OR8G5: variants seen among roughly 807,000 people sequenced by gnomAD.
The protein encoded by OR8G5 is olfactory receptor 8G5.
For missense variants in OR8G5, 347 were observed against 371.9 expected (o/e 0.93, Z 0.55); for synonymous variants, 147 against 147.7 (o/e 1.00, Z 0.03).
rs369768187 is a variant in OR8G5, at chr11:124,264,837, A to G, written c.-14-81A>G. The stretch of plus-strand genomic sequence containing the variant: ...TTGAACCGGAGTTAAATGATCATAT[A>G]TAAACAAGGGATCACTTTCCTACAA... On this transcript the variant is annotated intron_variant, in intron 1 of 1. Coordinates refer to ENST00000641992, the MANE Select transcript of OR8G5 (RefSeq NM_001005198.2). 20 of 1,563,178 alleles carry G rather than the reference A, an allele frequency of 1.3e-5. No individual in the cohort carries two copies. In the African/African-American group the frequency reaches 1.3e-4, roughly 11 times the overall value.
intron 1 of OR8G5, among the ~76,000 whole-genome samples, chr11:124,258,162 A>G (rs181643465): frequency 5.9e-5 from 9 of 152,208 alleles, no homozygotes; most frequent in East Asian, 1.9e-4. Context: ...TTCTCTTTCA[A>G]TGTATAAAAG....
chr11:124,265,654 C>A lies in OR8G5; in HGVS notation c.723C>A (p.Cys241Ter). 6.2e-7 allele frequency: 1 copy of A among 1,614,006 alleles called. No individual in the cohort carries two copies. Among genetic ancestry groups the A allele is most frequent in the East Asian group, 2.2e-5 (1 of 44,866 alleles). Reference protein sequence around the residue: ...TEGRSKAFSTCSSHISAVSVF... With the variant: ...TEGRSKAFST ...GCAGGTCCAAAGCCTTCAGCACTTG[C>A]AGCTCCCACATCTCGGCTGTTTCTG... is the stretch of plus-strand genomic sequence containing the variant. Residue 241 changes from cysteine (C) to a stop codon, truncating the protein, a stop_gained, in exon 2 of 2, where the codon TGC becomes TGA. Transcript: ENST00000641992. LOFTEE classifies it low-confidence loss of function (END_TRUNC).
chr11:124,258,588 A>T (rs1022177855), intron 1 of OR8G5, among the ~76,000 whole-genome samples: 9 of 151,282 alleles, frequency 5.9e-5, no homozygotes, highest in Middle Eastern at 3.2e-3. Context: ...TAATAATAAT[A>T]ATAAAAAAGA....
intron 1 of OR8G5, 56 bp downstream of exon 1, chr11:124,256,690 AC>A (rs1861916697): frequency 6.6e-6 from 1 of 152,024 alleles, no homozygotes; most frequent in Non-Finnish European, 1.5e-5. Flanking sequence ...AGAAGTAATC[AC>A]TGTAAAAACT....
intron 1 of OR8G5, among the ~76,000 whole-genome samples, chr11:124,257,447 T>C (rs1861924515): frequency 6.6e-6 from 1 of 152,166 alleles, no homozygotes; most frequent in Non-Finnish European, 1.5e-5. Context: ...GAGGCTTAAA[T>C]ACTCTCTTCA....
chr11:124,258,252 T>G (rs923997634), intron 1 of OR8G5, among the ~76,000 whole-genome samples: 1 of 152,076 alleles, frequency 6.6e-6, no homozygotes, highest in Non-Finnish European at 1.5e-5. Flanking sequence ...TTGTCAATGT[T>G]CCTCCTTAAA....
chr11:124,260,461 AC>A (rs1418160765), intron 1 of OR8G5, among the ~76,000 whole-genome samples: 1 of 151,938 alleles, frequency 6.6e-6, no homozygotes, highest in Non-Finnish European at 1.5e-5. Flanking sequence ...CCCCCATGAC[AC>A]AAGTTTACCT....
chr11:124,258,866 A>G (rs1861937791), intron 1 of OR8G5, among the ~76,000 whole-genome samples: 1 of 152,106 alleles, frequency 6.6e-6, no homozygotes, highest in Non-Finnish European at 1.5e-5. Flanking sequence ...TATGTCGTAG[A>G]TCTTATTGAG....
Position 124,265,839 on chromosome 11 carries a change from A to G in OR8G5, c.908A>G (p.Lys303Arg), listed in dbSNP as rs1591397130. The G allele has an allele frequency of 8.7e-6, 14 of 1,613,272 alleles. No individual in the cohort carries two copies. In the East Asian group the frequency reaches 3.1e-4, roughly 36 times the overall value. The change falls in exon 2 of 2, where the codon AAA (lysine) becomes AGA (arginine). Residue 303 changes from lysine (K) to arginine (R), a missense_variant. Lys to Arg is a conservative substitution (Grantham distance 26). Transcript: ENST00000641992. Reference sequence around the variant, plus strand: ...AAAGATGTCCACGTTGCCCTGAAGAAAACGCTAGGGAAAAGAACATTCTTA... The same window carrying G: ...AAAGATGTCCACGTTGCCCTGAAGAGAACGCTAGGGAAAAGAACATTCTTA... ...RNKDVHVALK[K>R]TLGKRTFL
chr11:124,261,202 A>T (rs1485556553), intron 1 of OR8G5, among the ~76,000 whole-genome samples: 1 of 142,046 alleles, frequency 7.0e-6, no homozygotes, highest in Admixed American at 7.4e-5. Flanking sequence ...CCATCCACTG[A>T]TGGAGACTTA....
intron 1 of OR8G5, among the ~76,000 whole-genome samples, chr11:124,264,142 T>C (rs1027185175): frequency 8.8e-6 from 1 of 113,536 alleles, no homozygotes; most frequent in African/African-American, 2.8e-5. Context: ...TTATTATTAA[T>C]AGGTTAATAA....
At chr11:124,264,868 G>T in intron 1 of OR8G5, 50 bp from the exon 2 acceptor site, 1 of 1,604,324 alleles carries the variant, frequency 6.2e-7, no homozygotes, top group Non-Finnish European at 8.5e-7. Flanking sequence ...TACAAAAGGA[G>T]AATAACAATA....
chr11:124,264,600 C>T (rs1862008085), intron 1 of OR8G5, among the ~76,000 whole-genome samples: 2 of 152,136 alleles, frequency 1.3e-5, no homozygotes, highest in Non-Finnish European at 2.9e-5. Flanking sequence ...GCCATTTTTA[C>T]TTATTTACAC....
intron 1 of OR8G5, among the ~76,000 whole-genome samples, chr11:124,260,018 T>G (rs1394475565): frequency 6.6e-6 from 1 of 151,986 alleles, no homozygotes; most frequent in Non-Finnish European, 1.5e-5. Context: ...CCATCTTGAG[T>G]TTTTAGAGTA....
intron 1 of OR8G5, among the ~76,000 whole-genome samples, chr11:124,263,531 A>T (rs988075632): frequency 3.4e-5 from 4 of 118,878 alleles, no homozygotes; most frequent in Non-Finnish European, 6.4e-5. Flanking sequence ...CTGGTGTGTG[A>T]TGTTCCCCTT....
chr11:124,257,033 G>A (rs1425998992), intron 1 of OR8G5, among the ~76,000 whole-genome samples: 1 of 152,208 alleles, frequency 6.6e-6, no homozygotes, highest in Non-Finnish European at 1.5e-5. Context: ...ACTATTTAAT[G>A]TAGAAGGAAC....
intron 1 of OR8G5, among the ~76,000 whole-genome samples, chr11:124,264,131 GTTA>G (rs1461085054): frequency 8.7e-6 from 1 of 115,362 alleles, no homozygotes; most frequent in Non-Finnish European, 2.1e-5. Flanking sequence ...GTCTGAAAAT[GTTA>G]TTATTAATAG....
At chr11:124,259,540 T>C (rs997959064) in intron 1 of OR8G5, among the ~76,000 whole-genome samples, 1 of 138,672 alleles carries the variant, frequency 7.2e-6, no homozygotes, top group Non-Finnish European at 1.6e-5. Context: ...AAGCAGACAC[T>C]GTTGGAACTA....
rs1336101660 is a variant in OR8G5, at chr11:124,265,924, A to G, written c.*57A>G. The G allele has an allele frequency of 2.0e-6, 3 of 1,494,442 alleles. No homozygotes were observed. Among genetic ancestry groups the G allele is most frequent in the Non-Finnish European group, 2.7e-6 (3 of 1,122,222 alleles). 92.6% of individuals were successfully genotyped at this position (1,494,442 alleles called of 1,614,324 possible). ...TCTAAGTTTTTGGCTATGATATTGT[A>G]TGAAATGATGTCTTTCACTTTAGTG... On this transcript the variant is annotated 3_prime_UTR_variant, in exon 2 of 2. Coordinates refer to ENST00000641992, the MANE Select transcript of OR8G5 (RefSeq NM_001005198.2).
Sources: gnomAD v4.1 joint callset for allele counts (sites outside exome capture counted in the v4.1 genomes callset) on GRCh38, gnomAD v4.1.1 for gene constraint, MANE v1.5 for transcripts, NCBI Gene and HGNC (gene_info 2026-07-23, HGNC 2026-07-21) for gene names.